The following ZNF385D variants were observed in gnomAD, a reference collection of about 807,000 sequenced individuals.
The protein encoded by ZNF385D is zinc finger protein 385D.
In ZNF385D, 15 loss-of-function variants were observed where a neutral mutation model predicts 35.8. The ratio of observed to expected loss-of-function variants is 0.42; its 90% CI spans 0.28 to 0.64. The LOEUF (loss-of-function observed/expected upper bound fraction) is 0.64, where lower values mean the gene tolerates loss of function less well. Among genes scored for constraint, ZNF385D ranks in the 30% least tolerant of loss-of-function variants. The pLI, the probability that ZNF385D is intolerant of heterozygous loss-of-function variation, is 0.23. For synonymous variants in ZNF385D, 212 were observed against 186.8 expected, an observed-to-expected ratio of 1.13 and a Z score of -1.10; for missense variants, 474 against 494.6, an observed-to-expected ratio of 0.96 and a Z score of 0.39.
intron 4 of ZNF385D, among the ~76,000 whole-genome samples, chr3:21,491,569 A>G (rs1327706969): frequency 6.6e-6 from 1 of 152,166 alleles, no homozygotes; most frequent in South Asian, 2.1e-4. Context: ...AACTGGAACA[A>G]TCATAAATAG....
chr3:22,173,749 C>T (rs996303091), intron 2 of ZNF385D, among the ~76,000 whole-genome samples: 1 of 152,134 alleles, frequency 6.6e-6, no homozygotes, highest in Non-Finnish European at 1.5e-5. Context: ...TTCTTACTTG[C>T]CGTATACAAA....
At chr3:22,229,086 C>T (rs1314313931) in intron 2 of ZNF385D, among the ~76,000 whole-genome samples, 1 of 152,192 alleles carries the variant, frequency 6.6e-6, no homozygotes, top group Non-Finnish European at 1.5e-5. Context: ...CCTTAATAAA[C>T]TCTTTCATAT....
At chr3:21,659,016 ATTC>A (rs2066156389) in intron 2 of ZNF385D, among the ~76,000 whole-genome samples, 1 of 151,850 alleles carries the variant, frequency 6.6e-6, no homozygotes, top group African/African-American at 2.4e-5. Flanking sequence ...ATAGATAACC[ATTC>A]TTCCTCCTCC....
chr3:21,558,989 C>CT (rs55997613), intron 3 of ZNF385D, among the ~76,000 whole-genome samples: 5,605 of 128,762 alleles, frequency 0.044, 440 homozygotes, highest in African/African-American at 0.14. Context: ...GCAACCCCTG[C>CT]TTTTTTTTTT....
chr3:21,508,923 A>T (rs966284847), intron 4 of ZNF385D, among the ~76,000 whole-genome samples: 5 of 150,834 alleles, frequency 3.3e-5, no homozygotes, highest in African/African-American at 9.7e-5. Flanking sequence ...AGATGAAAGT[A>T]TCTAGTCACA....
At chr3:22,103,948 T>C (rs950375388) in intron 3 of ZNF385D, among the ~76,000 whole-genome samples, 3 of 152,138 alleles carry the variant, frequency 2.0e-5, no homozygotes, top group East Asian at 1.9e-4. Context: ...GGAAAATCAG[T>C]CTTGAGTTGT....
intron 3 of ZNF385D, among the ~76,000 whole-genome samples, chr3:21,768,406 C>T (rs544718729): frequency 5.1e-4 from 77 of 152,052 alleles, no homozygotes; most frequent in African/African-American, 1.6e-3. Context: ...TCTCTTTCCC[C>T]ACCTAGACAA....
At chr3:22,088,072 A>C (rs970215421) in intron 3 of ZNF385D, among the ~76,000 whole-genome samples, 10 of 152,178 alleles carry the variant, frequency 6.6e-5, no homozygotes, top group African/African-American at 1.2e-4. Context: ...GCTTTGTCTA[A>C]AACAAGAGGA....
intron 1 of ZNF385D, among the ~76,000 whole-genome samples, chr3:21,720,967 T>C (rs2068516054): frequency 6.6e-6 from 1 of 152,200 alleles, no homozygotes; most frequent in Non-Finnish European, 1.5e-5. Context: ...AGATAAACAG[T>C]ATATGCCCAT....
At chr3:21,639,937 A>T (rs577087002) in intron 2 of ZNF385D, among the ~76,000 whole-genome samples, 1 of 152,092 alleles carries the variant, frequency 6.6e-6, no homozygotes, top group African/African-American at 2.4e-5. Flanking sequence ...TTATTATATA[A>T]GAAACAATCC....
Position 21,605,302 on chromosome 3 carries a change from CAG to C in ZNF385D, c.166-40620_166-40619del, listed in dbSNP as rs1484704330. ...CAAAAGAAAGGATTTGTATTGGACT[CAG>C]TATAAATGTTGAGCAACCCTCCTGA... is the stretch of plus-strand genomic sequence containing the variant. On this transcript the variant is annotated intron_variant, in intron 2 of 7. Coordinates refer to ENST00000281523, the MANE Select transcript of ZNF385D (RefSeq NM_024697.3). Among the ~76,000 whole-genome samples, 4 of 152,264 alleles carry C rather than the reference CAG, an allele frequency of 2.6e-5. No individual in the cohort carries two copies. In the East Asian group the frequency reaches 7.7e-4, roughly 29 times the overall value.
At chr3:22,182,554 T>G (rs564764567) in intron 2 of ZNF385D, among the ~76,000 whole-genome samples, 1 of 152,098 alleles carries the variant, frequency 6.6e-6, no homozygotes, top group Non-Finnish European at 1.5e-5. Context: ...AAGAAGAAAT[T>G]TATTTGCTAT....
chr3:22,314,524 G>A (rs1049193847), intron 2 of ZNF385D, among the ~76,000 whole-genome samples: 23 of 151,956 alleles, frequency 1.5e-4, no homozygotes, highest in African/African-American at 3.6e-4. Context: ...ATTCATTGAC[G>A]GATGGGCATT....
chr3:22,292,489 A>G (rs938222220), intron 2 of ZNF385D, among the ~76,000 whole-genome samples: 1 of 152,072 alleles, frequency 6.6e-6, no homozygotes, highest in Non-Finnish European at 1.5e-5. Flanking sequence ...ATAGTACTTG[A>G]TCGCCCAGTA....
intron 2 of ZNF385D, among the ~76,000 whole-genome samples, chr3:22,327,889 T>C (rs1694751679): frequency 6.6e-6 from 1 of 152,200 alleles, no homozygotes; most frequent in South Asian, 2.1e-4. Context: ...GTTTCAACAC[T>C]TGAGGTGTAA....
At chr3:22,277,982 C>G (rs1197251252) in intron 2 of ZNF385D, among the ~76,000 whole-genome samples, 1 of 152,092 alleles carries the variant, frequency 6.6e-6, no homozygotes, top group Non-Finnish European at 1.5e-5. Context: ...TTCAGGAAGT[C>G]TTTCTGATTT....
intron 3 of ZNF385D, among the ~76,000 whole-genome samples, chr3:21,858,765 G>T (rs1023733705): frequency 5.3e-5 from 8 of 152,040 alleles, no homozygotes; most frequent in Non-Finnish European, 7.4e-5. Flanking sequence ...CCATGTTCCC[G>T]AATTTTATAG....
At chr3:22,048,687 T>G (rs1699160036) in intron 3 of ZNF385D, among the ~76,000 whole-genome samples, 1 of 152,202 alleles carries the variant, frequency 6.6e-6, no homozygotes, top group Non-Finnish European at 1.5e-5. Flanking sequence ...GTGATGCCTT[T>G]GGCTTTGTTC....
intron 3 of ZNF385D, among the ~76,000 whole-genome samples, chr3:22,132,131 G>A (rs1022149678): frequency 1.3e-5 from 2 of 152,140 alleles, no homozygotes; most frequent in East Asian, 3.9e-4. Context: ...TAGTGTCCAT[G>A]TCATATTCAT....
Sources: gnomAD v4.1 joint callset for allele counts (sites outside exome capture counted in the v4.1 genomes callset) on GRCh38, gnomAD v4.1.1 for gene constraint, MANE v1.5 for transcripts, NCBI Gene and HGNC (gene_info 2026-07-23, HGNC 2026-07-21) for gene names.